Variants in TMEM72 observed in about 807,000 individuals in gnomAD.
The protein encoded by TMEM72 is kidney-specific secretory protein of 37 kDa.
A neutral mutation model predicts 16.3 loss-of-function variants in TMEM72; 9 were observed. The observed-to-expected ratio is 0.55, with a 90% confidence interval of 0.33 to 0.96. TMEM72 has a LOEUF of 0.96. Among genes scored for constraint, TMEM72 ranks in the 40% least tolerant of loss-of-function variants. The pLI, the probability that TMEM72 is intolerant of heterozygous loss-of-function variation, is 0.03. For missense variants in TMEM72, 324 were observed against 337.8 expected (o/e 0.96, Z 0.32); for synonymous variants, 160 against 146.5 (o/e 1.09, Z -0.66).
At chr10:44,929,468 C>A (rs531279715) in intron 2 of TMEM72, among the ~76,000 whole-genome samples, 9 of 152,366 alleles carry the variant, frequency 5.9e-5, no homozygotes, top group East Asian at 5.8e-4. Flanking sequence ...CACTCCCCCC[C>A]CTCCTCAGGA....
At chr10:44,934,392 G>A (rs1425501452) in intron 4 of TMEM72, among the ~76,000 whole-genome samples, 2 of 152,158 alleles carry the variant, frequency 1.3e-5, no homozygotes, top group African/African-American at 4.8e-5. Flanking sequence ...ACAATACAGG[G>A]AAGACAGCCC....
chr10:44,934,570 A>C, intron 4 of TMEM72, 86 bp from the exon 5 acceptor site: 1 of 1,352,048 alleles, frequency 7.4e-7, no homozygotes, highest in Non-Finnish European at 1.0e-6. Context: ...GCCGGGTTGC[A>C]GGAGCTCTGC....
At chr10:44,928,334 C>CCATCCACA (rs1276504793) in intron 2 of TMEM72, among the ~76,000 whole-genome samples, 26 of 152,040 alleles carry the variant, frequency 1.7e-4, no homozygotes, top group African/African-American at 6.0e-4. Flanking sequence ...ATCTATCCAT[C>CCATCCACA]CATCCACACA....
chr10:44,911,694 C>A, intron 1 of TMEM72, 112 bp downstream of exon 1: 2 of 1,270,606 alleles, frequency 1.6e-6, no homozygotes, highest in Non-Finnish European at 1.1e-6. Context: ...CACTTCTGTG[C>A]TTCAATTTTT....
chr10:44,925,655 A>G (rs1206967056), intron 1 of TMEM72, among the ~76,000 whole-genome samples: 1 of 152,222 alleles, frequency 6.6e-6, no homozygotes, highest in Non-Finnish European at 1.5e-5. Context: ...GAACTAGAAA[A>G]TGAAAGACTG....
At chr10:44,932,797 G>A (rs1007882677) in intron 3 of TMEM72, among the ~76,000 whole-genome samples, 6 of 152,216 alleles carry the variant, frequency 3.9e-5, no homozygotes, top group Non-Finnish European at 8.8e-5. Flanking sequence ...CTTCAGCTGG[G>A]GAGAAGGCTG....
At position 44,927,800 on chromosome 10, in the gene TMEM72, A is replaced by G. The variant is rs1840221246; in HGVS notation, c.71-121A>G. Reference sequence around the variant, plus strand: ...CAGCTGCCTGTATCATGAAGAGAAGAACCTACCTTGGCTGTCAGTCCCCAG... The same window carrying G: ...CAGCTGCCTGTATCATGAAGAGAAGGACCTACCTTGGCTGTCAGTCCCCAG... On this transcript the variant is annotated intron_variant, in intron 1 of 4. Transcript: ENST00000389583. 3.2e-6 allele frequency: 3 copies of G among 930,566 alleles called. No individual in the cohort carries two copies. In the South Asian group the frequency reaches 4.5e-5, roughly 14 times the overall value. 57.6% of individuals were successfully genotyped at this position (930,566 alleles called of 1,614,324 possible). A position where few individuals can be genotyped will look rare whatever the true frequency, so the allele number is the denominator to read the frequency against.
At chr10:44,916,932 C>T (rs925718217) in intron 1 of TMEM72, among the ~76,000 whole-genome samples, 1 of 152,166 alleles carries the variant, frequency 6.6e-6, no homozygotes, top group African/African-American at 2.4e-5. Flanking sequence ...GACTCCACTC[C>T]TAATCGCTAT....
chr10:44,911,509 C>A lies in TMEM72; in HGVS notation c.-4C>A. The A allele has an allele frequency of 1.3e-6, 2 of 1,550,722 alleles. No individual in the cohort carries two copies. The highest frequency in any genetic ancestry group is 2.0e-5 in the Admixed American group (1 of 51,012). On this transcript the variant is annotated 5_prime_UTR_variant, in exon 1 of 5. Coordinates refer to ENST00000389583, the MANE Select transcript of TMEM72 (RefSeq NM_001123376.3). ...GCCAGGACTTTGTCCTCACCCCTGGCACCATGCAGCTCCAGGTGTTCTGGA... is the reference window on the plus strand; with the variant it reads ...GCCAGGACTTTGTCCTCACCCCTGGAACCATGCAGCTCCAGGTGTTCTGGA...
intron 1 of TMEM72, 110 bp downstream of exon 1, chr10:44,911,692 T>C (rs1839940407): frequency 1.6e-6 from 2 of 1,282,266 alleles, no homozygotes; most frequent in Non-Finnish European, 2.2e-6. Flanking sequence ...GCCACTTCTG[T>C]GCTTCAATTT....
chr10:44,929,465 C>T (rs1840258882), intron 2 of TMEM72, among the ~76,000 whole-genome samples: 1 of 152,234 alleles, frequency 6.6e-6, no homozygotes, highest in African/African-American at 2.4e-5. Context: ...CTCCACTCCC[C>T]CCCCTCCTCA....
At chr10:44,933,550 G>A (rs1224045295) in intron 3 of TMEM72, 87 bp from the exon 4 acceptor site, 3 of 1,522,738 alleles carry the variant, frequency 2.0e-6, no homozygotes, top group Non-Finnish European at 8.9e-7. Flanking sequence ...CATGCCCACA[G>A]CAGGGCCTGG....
intron 1 of TMEM72, chr10:44,919,804 ACT>A (rs1276744349): frequency 6.6e-6 from 1 of 152,134 alleles, no homozygotes; most frequent in Admixed American, 6.5e-5. Context: ...CTTTTCCCAC[ACT>A]GTCTCTGAAC....
At chr10:44,926,031 ACACACACT>A (rs1840183605) in intron 1 of TMEM72, among the ~76,000 whole-genome samples, 1 of 151,804 alleles carries the variant, frequency 6.6e-6, no homozygotes, top group African/African-American at 2.4e-5. Flanking sequence ...ACACTCACAC[ACACACACT>A]CACACACATC....
intron 2 of TMEM72, among the ~76,000 whole-genome samples, chr10:44,929,165 T>C (rs1186450691): frequency 1.3e-5 from 2 of 151,978 alleles, no homozygotes; most frequent in Non-Finnish European, 2.9e-5. Flanking sequence ...CCCCAGACAA[T>C]GTCTTTTCTT....
chr10:44,925,352 C>A (rs1185051961), intron 1 of TMEM72, among the ~76,000 whole-genome samples: 1 of 152,236 alleles, frequency 6.6e-6, no homozygotes. Context: ...TTCCCAAGAC[C>A]CTTTCCTGCC....
intron 4 of TMEM72, 57 bp downstream of exon 4, chr10:44,933,833 G>A: frequency 6.5e-7 from 1 of 1,530,298 alleles, no homozygotes; most frequent in South Asian, 1.3e-5. Context: ...CTGAGCAGGA[G>A]GAGCTGAGCC....
chr10:44,918,290 C>T (rs890419246), intron 1 of TMEM72, among the ~76,000 whole-genome samples: 7 of 152,090 alleles, frequency 4.6e-5, no homozygotes, highest in African/African-American at 1.7e-4. Flanking sequence ...TGCTATTCTA[C>T]GTGGGAGACA....
chr10:44,930,786 T>C (rs1323660462), intron 2 of TMEM72, among the ~76,000 whole-genome samples: 1 of 152,160 alleles, frequency 6.6e-6, no homozygotes, highest in Non-Finnish European at 1.5e-5. Context: ...TTTACAAATA[T>C]CATTTAATTC....
Sources: gnomAD v4.1 joint callset for allele counts (sites outside exome capture counted in the v4.1 genomes callset) on GRCh38, gnomAD v4.1.1 for gene constraint, MANE v1.5 for transcripts, NCBI Gene and HGNC (gene_info 2026-07-23, HGNC 2026-07-21) for gene names.